Variants in GTF2H3 observed in about 807,000 individuals in gnomAD.
GTF2H3 encodes the protein general transcription factor IIH subunit 3, also known as TFIIH basal transcription factor complex p34 subunit.
In GTF2H3, 42 loss-of-function variants were observed where a neutral mutation model predicts 51.1. The ratio of observed to expected loss-of-function variants is 0.82; its 90% CI spans 0.64 to 1.06. GTF2H3 has a LOEUF of 1.06. Ranked by LOEUF, GTF2H3 falls within the 50% of genes least tolerant of loss-of-function variation. The probability of loss-of-function intolerance (pLI) is 0.00; values close to 1 mark genes in which losing one functional copy is unlikely to be tolerated. For synonymous variants in GTF2H3, 123 were observed against 123.8 expected (o/e 0.99, Z 0.04); for missense variants, 326 against 366.1 (o/e 0.89, Z 0.89).
chr12:123,647,115 T>C (rs1955457644), intron 3 of GTF2H3, among the ~76,000 whole-genome samples: 1 of 142,038 alleles, frequency 7.0e-6, no homozygotes, highest in Admixed American at 7.4e-5. Context: ...GTCGTGCCAC[T>C]GCACTGCAGC....
chr12:123,645,708 T>C, intron 3 of GTF2H3, 147 bp downstream of exon 3: 1 of 591,360 alleles, frequency 1.7e-6, no homozygotes, highest in Non-Finnish European at 3.0e-6. Context: ...AGCCAGTACA[T>C]GTACATTGTG....
At chr12:123,652,223 A>G (rs1955529347) in intron 5 of GTF2H3, among the ~76,000 whole-genome samples, 1 of 152,196 alleles carries the variant, frequency 6.6e-6, no homozygotes, top group Non-Finnish European at 1.5e-5. Flanking sequence ...CATATTTGTA[A>G]ATCAGTACTT....
chr12:123,656,146 T>A (rs1028489035), intron 9 of GTF2H3: 4 of 224,010 alleles, frequency 1.8e-5, no homozygotes, highest in Non-Finnish European at 3.5e-5. Flanking sequence ...ACAAATGTTG[T>A]TTCCTAAAGG....
chr12:123,661,511 G>A lies in GTF2H3; in HGVS notation c.*1276G>A, dbSNP rs1197485615. Reference sequence around the variant, plus strand: ...GAAAAATTAGCCATGCGAAGTAGCAGGTGCCTGTAGTTCCAGCTACTCGGG... The same window carrying A: ...GAAAAATTAGCCATGCGAAGTAGCAAGTGCCTGTAGTTCCAGCTACTCGGG... On this transcript the variant is annotated 3_prime_UTR_variant, in exon 13 of 13. Coordinates refer to ENST00000543341, the MANE Select transcript of GTF2H3 (RefSeq NM_001516.5). The A allele has an allele frequency of 6.6e-6, 1 of 151,986 alleles. No individual in the cohort carries two copies. Among genetic ancestry groups the A allele is most frequent in the Non-Finnish European group, 1.5e-5 (1 of 68,068 alleles). The allele number at this position is 151,986 out of a possible 1,614,324, so 9.4% of individuals were successfully genotyped here. A position where few individuals can be genotyped will look rare whatever the true frequency, so the allele number is the denominator to read the frequency against.
rs1410868244 is a variant in GTF2H3 at position 123,652,742 on chromosome 12, T to TA, written c.486+14dup. ...AATGAAATCAAGGATATTGGTAAGA[T>TA]AAAAAAATCATTACTTTTTTATATG... On this transcript the variant is annotated splice_region_variant and intron_variant, in intron 7 of 12. Coordinates refer to ENST00000543341, the MANE Select transcript of GTF2H3 (RefSeq NM_001516.5). The TA allele has an allele frequency of 2.9e-5, 43 of 1,485,304 alleles. No homozygotes were observed. Among genetic ancestry groups the TA allele is most frequent in the Non-Finnish European group, 3.5e-5 (38 of 1,100,382 alleles). 92.0% of individuals were successfully genotyped at this position (1,485,304 alleles called of 1,614,324 possible).
chr12:123,647,152 C>CA (rs1157428737), intron 3 of GTF2H3, among the ~76,000 whole-genome samples: 5,458 of 63,026 alleles, frequency 0.087, 679 homozygotes, highest in African/African-American at 0.29. Context: ...GACCCTGTCT[C>CA]AAAAAAAAAA....
chr12:123,646,852 T>TAA (rs1228578770), intron 3 of GTF2H3, among the ~76,000 whole-genome samples: 2 of 151,522 alleles, frequency 1.3e-5, no homozygotes, highest in East Asian at 3.9e-4. Flanking sequence ...CTGATTATCT[T>TAA]AAAAGTCACA....
In GTF2H3 at chr12:123,660,965, G is replaced by T. The variant is rs974721281; in HGVS notation, c.*730G>T. 1 of 152,020 alleles carries T rather than the reference G, an allele frequency of 6.6e-6. No homozygotes were observed. Among genetic ancestry groups the T allele is most frequent in the African/African-American group, 2.4e-5 (1 of 41,368 alleles). The allele number at this position is 152,020 out of a possible 1,614,324, so 9.4% of individuals were successfully genotyped here. A position where few individuals can be genotyped will look rare whatever the true frequency, so the allele number is the denominator to read the frequency against. ...GAAAATGGACTCTATGTTAAGTATG[G>T]TTTTCAGATAGAATTCTTTCCTTTT... On this transcript the variant is annotated 3_prime_UTR_variant, in exon 13 of 13. Coordinates refer to ENST00000543341, the MANE Select transcript of GTF2H3 (RefSeq NM_001516.5).
At chr12:123,634,597 C>G (rs1318443828) in intron 1 of GTF2H3, among the ~76,000 whole-genome samples, 1 of 152,182 alleles carries the variant, frequency 6.6e-6, no homozygotes, top group Non-Finnish European at 1.5e-5. Context: ...TTGAAACCGA[C>G]TTGAATGATT....
At position 123,635,162 on chromosome 12, in the gene GTF2H3, T is replaced by G. The variant is rs559376433; in HGVS notation, c.13+1290T>G. Among the ~76,000 whole-genome samples, 3 of 152,362 alleles carry G rather than the reference T, an allele frequency of 2.0e-5. No individual in the cohort carries two copies. The East Asian group carries it at 5.8e-4, about 29-fold the overall frequency. On this transcript the variant is annotated intron_variant, in intron 1 of 12. Transcript: ENST00000543341. ...CATTGCATGTGTATAGATGCACACC[T>G]TTCTTTACAGGCAACGCTTTTTCTG...
intron 1 of GTF2H3, among the ~76,000 whole-genome samples, chr12:123,634,346 G>A (rs564771708): frequency 6.6e-6 from 1 of 152,204 alleles, no homozygotes; most frequent in Non-Finnish European, 1.5e-5. Flanking sequence ...GGAGGCTGAG[G>A]CGGGAGAATC....
chr12:123,635,498 AG>A (rs1487480845), intron 1 of GTF2H3, among the ~76,000 whole-genome samples: 2 of 149,638 alleles, frequency 1.3e-5, no homozygotes, highest in Non-Finnish European at 3.0e-5. Flanking sequence ...GCTTGAACCC[AG>A]GAGGCAGAGG....
chr12:123,648,846 G>T (rs1276644864), intron 4 of GTF2H3, among the ~76,000 whole-genome samples: 1 of 152,146 alleles, frequency 6.6e-6, no homozygotes, highest in Non-Finnish European at 1.5e-5. Context: ...TAGGGACGGG[G>T]TCTCACTATG....
intron 7 of GTF2H3, among the ~76,000 whole-genome samples, chr12:123,654,002 T>C (rs931593309): frequency 6.6e-6 from 1 of 152,224 alleles, no homozygotes; most frequent in Non-Finnish European, 1.5e-5. Context: ...GTATATATTA[T>C]AATTCATTGA....
chr12:123,641,527 G>GTTTTTTTTTTTTTTTTTTTTTTTT (rs112546170), intron 2 of GTF2H3, among the ~76,000 whole-genome samples: 1 of 128,548 alleles, frequency 7.8e-6, no homozygotes, highest in African/African-American at 3.4e-5. Flanking sequence ...GTCTGCCCCC[G>GTTTTTTTTTTTTTTTTTTTTTTTT]TTTTTTTTTT....
At chr12:123,650,699 C>T (rs942227625) in intron 4 of GTF2H3, among the ~76,000 whole-genome samples, 1 of 152,190 alleles carries the variant, frequency 6.6e-6, no homozygotes, top group Non-Finnish European at 1.5e-5. Flanking sequence ...TTCATCTTTA[C>T]AAACTGAAAT....
chr12:123,658,979 A>T (rs1955620292), intron 9 of GTF2H3, among the ~76,000 whole-genome samples: 1 of 152,222 alleles, frequency 6.6e-6, no homozygotes, highest in African/African-American at 2.4e-5. Context: ...CCGACCAGGG[A>T]AGTGCAAATC....
intron 9 of GTF2H3, 95 bp downstream of exon 9, chr12:123,655,919 G>T: frequency 2.6e-6 from 2 of 767,750 alleles, no homozygotes; most frequent in Non-Finnish European, 4.4e-6. Context: ...GGTATATTGG[G>T]TTAAATAAAA....
intron 7 of GTF2H3, among the ~76,000 whole-genome samples, chr12:123,654,321 T>TTG (rs1011207910): frequency 9.6e-5 from 14 of 146,408 alleles, no homozygotes; most frequent in Admixed American, 9.0e-4. Flanking sequence ...GTGTATTTGG[T>TTG]TGTGTGTGTG....
Sources: allele counts gnomAD v4.1 joint callset (sites outside exome capture counted in the v4.1 genomes callset), GRCh38; gene constraint gnomAD v4.1.1; transcripts MANE v1.5; gene names NCBI Gene and HGNC (gene_info 2026-07-23, HGNC 2026-07-21).